TMPRSS15: variants seen among roughly 807,000 people sequenced by gnomAD.
The protein encoded by TMPRSS15 is enteropeptidase.
Under a neutral mutation model 125.3 loss-of-function variants are expected in TMPRSS15, and 128 were observed. The observed-to-expected ratio is 1.02, with a 90% CI of 0.89 to 1.18. TMPRSS15 has a LOEUF of 1.18. Among genes scored for constraint, TMPRSS15 ranks in the 50% most tolerant of loss-of-function variants. The pLI is 0.00. For synonymous variants in TMPRSS15, 446 were observed against 423.2 expected, an observed-to-expected ratio of 1.05 and a Z score of -0.66; for missense variants, 1,283 against 1,212.7, an observed-to-expected ratio of 1.06 and a Z score of -0.86.
intron 16 of TMPRSS15, among the ~76,000 whole-genome samples, chr21:18,315,986 T>C (rs148450826): frequency 0.13 from 16,864 of 128,242 alleles, 5 homozygotes; most frequent in Non-Finnish European, 0.18. Flanking sequence ...CAAACCTGCA[T>C]GTTGTGTACG....
chr21:18,473,139 G>A (rs1978812663), intron 1 of TMPRSS15, among the ~76,000 whole-genome samples: 2 of 152,082 alleles, frequency 1.3e-5, no homozygotes, highest in East Asian at 1.9e-4. Flanking sequence ...AGTTCCTGGA[G>A]TAGCATAAAA....
rs1320816972 is a variant in TMPRSS15, at chr21:18,315,172, T to C, written c.2006A>G (p.Glu669Gly). 8.7e-6 allele frequency: 14 copies of C among 1,613,540 alleles called. No homozygotes were observed. The highest frequency in any genetic ancestry group is 1.3e-5 in the African/African-American group (1 of 74,910). The change falls in exon 17 of 25, where the codon GAG becomes GGG. Residue 669 changes from glutamate to glycine, a missense_variant. Glu to Gly is a moderately conservative substitution (Grantham distance 98). Coordinates refer to ENST00000284885, the MANE Select transcript of TMPRSS15 (RefSeq NM_002772.3). The part of the protein sequence containing the change: ...VNLCDGHLHC[E>G]DGSDEADCVR... ...ACAATCTGCTTCATCTGAGCCATCC[T>C]CACAGTGCAGATGACCGTCACAGAG...
At chr21:18,291,361 C>T (rs142667315) in intron 21 of TMPRSS15, among the ~76,000 whole-genome samples, 2 of 152,172 alleles carry the variant, frequency 1.3e-5, no homozygotes, top group Admixed American at 6.5e-5. Flanking sequence ...GACAATACCA[C>T]GATAGAGAAA....
chr21:18,398,405 CAT>C, intron 1 of TMPRSS15, 76 bp from the exon 2 acceptor site: 1 of 1,501,700 alleles, frequency 6.7e-7, no homozygotes, highest in South Asian at 1.1e-5. Flanking sequence ...TCTGTTAAGA[CAT>C]AGAAGTAAAG....
At chr21:18,374,296 A>G (rs2075819334) in intron 5 of TMPRSS15, among the ~76,000 whole-genome samples, 1 of 150,906 alleles carries the variant, frequency 6.6e-6, no homozygotes, top group Admixed American at 6.6e-5. Context: ...ACAAGGTGAA[A>G]CCCCGTCTCT....
chr21:18,473,773 T>C (rs757383994), intron 1 of TMPRSS15, among the ~76,000 whole-genome samples: 8 of 152,164 alleles, frequency 5.3e-5, no homozygotes, highest in Non-Finnish European at 1.0e-4. Context: ...TTTATGTTTT[T>C]GCCTGCATAT....
chr21:18,278,705 T>C lies in TMPRSS15; in HGVS notation c.2764+259A>G, dbSNP rs528904861. 1.5e-4 allele frequency among the ~76,000 whole-genome samples: 23 copies of C among 152,196 alleles called. 1 individual carries two copies. The highest frequency in any genetic ancestry group is 9.8e-4 in the Admixed American group (15 of 15,272). ...CCACTGCACTCCAGCCCGGGCCACATTGCGAGACTCCGTCTCAAAAACAAA... is the reference window on the plus strand; with the variant it reads ...CCACTGCACTCCAGCCCGGGCCACACTGCGAGACTCCGTCTCAAAAACAAA... On this transcript the variant is annotated intron_variant, in intron 23 of 24. Transcript: ENST00000284885.
chr21:18,292,160 T>C (rs1444044682), intron 21 of TMPRSS15, among the ~76,000 whole-genome samples: 3 of 152,216 alleles, frequency 2.0e-5, no homozygotes, highest in Non-Finnish European at 4.4e-5. Context: ...CAAGGATTGT[T>C]TTCTCCAAAT....
chr21:18,312,934 G>C lies in TMPRSS15; in HGVS notation c.2165+11C>G. The C allele has an allele frequency of 6.2e-7, 1 of 1,613,136 alleles. No homozygotes were observed. The highest frequency in any genetic ancestry group is 8.5e-7 in the Non-Finnish European group (1 of 1,179,282). Reference sequence around the variant, plus strand: ...AAATCTCTTAAAAAGGAACTCAGTAGAATTACTTACCCTAGTCCCAGCAGT... The same window carrying C: ...AAATCTCTTAAAAAGGAACTCAGTACAATTACTTACCCTAGTCCCAGCAGT... On this transcript the variant is annotated intron_variant, in intron 18 of 24. Transcript: ENST00000284885.
intron 1 of TMPRSS15, among the ~76,000 whole-genome samples, chr21:18,431,104 T>C (rs1286587746): frequency 2.0e-5 from 3 of 152,122 alleles, no homozygotes; most frequent in Non-Finnish European, 4.4e-5. Context: ...CAGATCACCA[T>C]TTTTCTTTGC....
intron 1 of TMPRSS15, among the ~76,000 whole-genome samples, chr21:18,422,351 T>G (rs1362276382): frequency 1.3e-5 from 2 of 151,958 alleles, no homozygotes; most frequent in Non-Finnish European, 2.9e-5. Context: ...ACTTGATAAT[T>G]TACCTTCTTA....
rs62213270 is a variant in TMPRSS15, at chr21:18,475,861, T to A, written c.10+9938A>T. On this transcript the variant is annotated intron_variant, in intron 1 of 7. Coordinates refer to the TMPRSS15 transcript ENST00000422787. ...AGTGCTTTGAACTTTATTTTTTCTT[T>A]AACAAGATCACTTTTGGACTTTGTA... 1.5e-3 allele frequency among the ~76,000 whole-genome samples: 232 copies of A among 152,310 alleles called. 2 individuals carry two copies. The highest frequency in any genetic ancestry group is 3.4e-3 in the Middle Eastern group (1 of 294).
rs748446963 is a variant in TMPRSS15 at position 18,297,764 on chromosome 21, G to A, written c.2231C>T (p.Ala744Val). 24 of 1,613,658 alleles carry A rather than the reference G, an allele frequency of 1.5e-5. No homozygotes were observed. Among genetic ancestry groups the A allele is most frequent in the Non-Finnish European group, 2.0e-5 (24 of 1,179,738 alleles). The change falls in exon 19 of 25, where the codon GCA (alanine) becomes GTA (valine). Residue 744 changes from alanine (A) to valine (V), a missense_variant. Transcript: ENST00000284885. ...DGGPFVKLNT[A>V]PDGHLILTPS... is the part of the protein sequence containing the mutation. The stretch of plus-strand genomic sequence containing the variant: ...TGTTAGTATTAAGTGGCCATCAGGT[G>A]CTGTGTTTAATTTGACAAATGGTCC...
chr21:18,332,229 T>A, intron 13 of TMPRSS15, 56 bp from the exon 14 acceptor site: 1 of 1,435,676 alleles, frequency 7.0e-7, no homozygotes, highest in Non-Finnish European at 9.8e-7. Context: ...TTCAGAGAGA[T>A]AATACCATAT....
At chr21:18,480,914 C>A (rs1198271704) in intron 1 of TMPRSS15, among the ~76,000 whole-genome samples, 1 of 151,708 alleles carries the variant, frequency 6.6e-6, no homozygotes, top group African/African-American at 2.4e-5. Context: ...TGACATTAAT[C>A]AAAAAGATAG....
Position 18,481,805 on chromosome 21 carries a change from T to G in TMPRSS15, c.10+3994A>C, listed in dbSNP as rs1376946938. The stretch of plus-strand genomic sequence containing the variant: ...GTAGGTAATACATTAAAAACATCCT[T>G]TAATCAAAAGTCTATTTCAAAGTTT... On this transcript the variant is annotated intron_variant, in intron 1 of 7. Transcript: ENST00000422787. Among the ~76,000 whole-genome samples the G allele has an allele frequency of 6.3e-4, 96 of 151,700 alleles. 1 individual carries two copies. The highest frequency in any genetic ancestry group is 6.1e-3 in the Admixed American group (93 of 15,152).
intron 17 of TMPRSS15, among the ~76,000 whole-genome samples, chr21:18,314,115 T>A (rs889769211): frequency 7.5e-5 from 8 of 107,334 alleles, no homozygotes; most frequent in Non-Finnish European, 7.6e-5. Flanking sequence ...TAATGCTACA[T>A]TGTTTACCTT....
At chr21:18,353,211 T>C (rs2075588658) in intron 9 of TMPRSS15, among the ~76,000 whole-genome samples, 159 bp from the exon 10 acceptor site, 1 of 151,804 alleles carries the variant, frequency 6.6e-6, no homozygotes, top group Admixed American at 6.6e-5. Context: ...TTGCATTCTA[T>C]TTATTTTTTT....
intron 1 of TMPRSS15, among the ~76,000 whole-genome samples, chr21:18,434,209 C>T (rs371937888): frequency 2.0e-4 from 30 of 152,298 alleles, no homozygotes; most frequent in African/African-American, 6.7e-4. Context: ...ATAATCTATA[C>T]CTGCAGCTAC....
Sources: gnomAD v4.1 joint callset for allele counts (sites outside exome capture counted in the v4.1 genomes callset) on GRCh38, gnomAD v4.1.1 for gene constraint, MANE v1.5 for transcripts, NCBI Gene and HGNC (gene_info 2026-07-23, HGNC 2026-07-21) for gene names.